Variants in DMXL1 observed in about 807,000 individuals in gnomAD.
The protein encoded by DMXL1 is Dmx like 1, also known as dmX-like protein 1.
DMXL1 carries 99 observed loss-of-function variants against 319.2 expected under a neutral mutation model. That is an observed-to-expected ratio of 0.31 (90% CI 0.26 to 0.37). DMXL1 has a LOEUF of 0.37. Among genes scored for constraint, DMXL1 ranks in the 10% least tolerant of loss-of-function variants. DMXL1 has a pLI of 1.00. For missense variants in DMXL1, 3,745 were observed against 3,595.6 expected (o/e 1.04, Z -1.06); for synonymous variants, 1,385 against 1,235.2 (o/e 1.12, Z -2.54).
At chr5:119,172,572 C>T (rs1023219233) in intron 25 of DMXL1, among the ~76,000 whole-genome samples, 5 of 152,176 alleles carry the variant, frequency 3.3e-5, no homozygotes, top group African/African-American at 1.2e-4. Flanking sequence ...CTAATGCATG[C>T]AACTAATTAT....
chr5:119,099,873 C>T (rs1756846788), intron 2 of DMXL1, among the ~76,000 whole-genome samples: 1 of 152,070 alleles, frequency 6.6e-6, no homozygotes, highest in South Asian at 2.1e-4. Flanking sequence ...TGGTAGTATG[C>T]TCCTGTAGTC....
intron 19 of DMXL1, among the ~76,000 whole-genome samples, chr5:119,162,030 G>C (rs1477516847): frequency 6.6e-6 from 1 of 152,214 alleles, no homozygotes; most frequent in Non-Finnish European, 1.5e-5. Flanking sequence ...AGACCAGCGT[G>C]AGCTTCCTGG....
chr5:119,085,798 T>C (rs1300100590), intron 1 of DMXL1, among the ~76,000 whole-genome samples: 2 of 152,208 alleles, frequency 1.3e-5, no homozygotes, highest in African/African-American at 4.8e-5. Context: ...TTTCCCTATT[T>C]AGAATGACGT....
intron 9 of DMXL1, chr5:119,128,404 A>G: frequency 9.1e-6 from 2 of 219,070 alleles, no homozygotes; most frequent in Non-Finnish European, 1.9e-5. Context: ...GCTGCTGTTG[A>G]TGCTTCTCTC....
chr5:119,073,587 A>G (rs1294922079), intron 1 of DMXL1, among the ~76,000 whole-genome samples: 1 of 152,190 alleles, frequency 6.6e-6, no homozygotes, highest in Non-Finnish European at 1.5e-5. Flanking sequence ...AGTTCTGCTG[A>G]ATTTTAAAGT....
At chr5:119,183,473 T>A (rs1158431747) in intron 28 of DMXL1, among the ~76,000 whole-genome samples, 1 of 152,170 alleles carries the variant, frequency 6.6e-6, no homozygotes, top group Admixed American at 6.5e-5. Flanking sequence ...GGGAATACTT[T>A]CCTTTTCTTT....
chr5:119,203,807 T>TTTTA (rs751148357), intron 33 of DMXL1, among the ~76,000 whole-genome samples: 12 of 151,988 alleles, frequency 7.9e-5, no homozygotes, highest in East Asian at 5.8e-4. Context: ...ACTGAAAATT[T>TTTTA]TTTATTTATT....
intron 2 of DMXL1, among the ~76,000 whole-genome samples, chr5:119,099,805 C>A (rs1439696251): frequency 1.3e-5 from 2 of 151,978 alleles, no homozygotes; most frequent in Non-Finnish European, 2.9e-5. Context: ...AAGTTTGAGA[C>A]CAGCTTGGGG....
rs1774438576 is a variant in DMXL1, at chr5:119,171,016, CTT to C, written c.6228_6229del (p.Phe2076LeufsTer5). 6.2e-7 allele frequency: 1 copy of C among 1,613,688 alleles called. No homozygotes were observed. Among genetic ancestry groups the C allele is most frequent in the Admixed American group, 1.7e-5 (1 of 59,952 alleles). On this transcript the variant is annotated frameshift_variant, in exon 24 of 44. Transcript: ENST00000539542. LOFTEE classifies it high-confidence loss of function. The stretch of plus-strand genomic sequence containing the variant: ...TGATAGCTCTTCAGAGGACTTGTGA[CTT>C]TTGCTCAGATGCTGAAGAACTACAG... ...EVIALQRTCD[F>X]CSDAEELQSA...
intron 42 of DMXL1, among the ~76,000 whole-genome samples, chr5:119,243,439 A>T (rs541406666): frequency 6.6e-6 from 1 of 152,286 alleles, no homozygotes; most frequent in East Asian, 1.9e-4. Context: ...ATTGAAACCC[A>T]GGCAATCTAA....
rs150162402 is a variant in DMXL1 at position 119,186,208 on chromosome 5, T to A, written c.7136-3500T>A. On this transcript the variant is annotated intron_variant, in intron 28 of 43. Coordinates refer to ENST00000539542, the MANE Select transcript of DMXL1 (RefSeq NM_001290321.3). ...ACACTCATGAATAGCTCTGTGGATA[T>A]GGGTGCCTTAGATTGAGAAATAGAG... is the stretch of plus-strand genomic sequence containing the variant. Among the ~76,000 whole-genome samples, 119 of 152,340 alleles carry A rather than the reference T, an allele frequency of 7.8e-4. 2 individuals carry two copies. In the East Asian group the frequency reaches 0.015, roughly 19 times the overall value.
chr5:119,133,090 C>A, intron 10 of DMXL1, 42 bp from the exon 11 acceptor site: 10 of 1,602,988 alleles, frequency 6.2e-6, no homozygotes, highest in Non-Finnish European at 8.5e-6. Flanking sequence ...ATAGTAATAA[C>A]CTGTTTGTAT....
At position 119,118,956 on chromosome 5, in the gene DMXL1, C is replaced by T; in HGVS notation, c.885C>T (p.Asn295=). Residue 295 remains asparagine (N), a synonymous_variant, in exon 8 of 44, where the codon AAC becomes AAT. Coordinates refer to ENST00000539542, the MANE Select transcript of DMXL1 (RefSeq NM_001290321.3). ...HWTESINLTN[N]FKRNASSKER... is the part of the protein sequence containing the mutation. ...CTGAATCAATTAATTTAACAAATAA[C>T]TTCAAGAGAAATGCTTCCAGTAAAG... 1 of 1,613,434 alleles carries T rather than the reference C, an allele frequency of 6.2e-7. No homozygotes were observed.
chr5:119,217,975 C>G (rs1376692611), intron 35 of DMXL1, among the ~76,000 whole-genome samples: 2 of 152,040 alleles, frequency 1.3e-5, no homozygotes, highest in Non-Finnish European at 2.9e-5. Context: ...CTGCTTCAGA[C>G]AGTTCTGTTA....
At chr5:119,119,806 C>T (rs757386588) in intron 8 of DMXL1, among the ~76,000 whole-genome samples, 11 of 151,722 alleles carry the variant, frequency 7.3e-5, no homozygotes, top group African/African-American at 1.5e-4. Flanking sequence ...CCATGGCGCT[C>T]GGCCTATTAT....
At chr5:119,099,624 C>G (rs1216924220) in intron 2 of DMXL1, among the ~76,000 whole-genome samples, 1 of 152,142 alleles carries the variant, frequency 6.6e-6, no homozygotes, top group African/African-American at 2.4e-5. Flanking sequence ...TCACATGGAG[C>G]TGGTTAATGT....
intron 1 of DMXL1, 98 bp from the exon 2 acceptor site, chr5:119,097,881 T>G: frequency 1.8e-6 from 2 of 1,129,988 alleles, no homozygotes; most frequent in Non-Finnish European, 2.4e-6. Context: ...TTAAAACATT[T>G]ATTCTCCCTG....
intron 4 of DMXL1, among the ~76,000 whole-genome samples, chr5:119,108,292 C>T (rs1030249547): frequency 3.9e-5 from 6 of 152,086 alleles, no homozygotes; most frequent in Non-Finnish European, 2.9e-5. Flanking sequence ...AGCTTTTTTG[C>T]CAAAATTGCT....
At chr5:119,236,129 C>CAGT (rs1787711647) in intron 39 of DMXL1, among the ~76,000 whole-genome samples, 1 of 152,006 alleles carries the variant, frequency 6.6e-6, no homozygotes, top group Non-Finnish European at 1.5e-5. Flanking sequence ...TTTGCCTGGC[C>CAGT]AGTAGCCTTC....
Sources: gnomAD v4.1 joint callset for allele counts (sites outside exome capture counted in the v4.1 genomes callset) on GRCh38, gnomAD v4.1.1 for gene constraint, MANE v1.5 for transcripts, NCBI Gene and HGNC (gene_info 2026-07-23, HGNC 2026-07-21) for gene names.